Variants in SS18 observed in about 807,000 individuals in gnomAD.
SS18 encodes protein SSXT.
SS18 carries 28 observed loss-of-function variants against 72.5 expected under a neutral mutation model. That is an observed-to-expected ratio of 0.39 (90% CI 0.29 to 0.53). SS18 has a LOEUF of 0.53. Among genes scored for constraint, SS18 ranks in the 20% least tolerant of loss-of-function variants. The pLI is 0.76. For synonymous variants in SS18, 172 were observed against 164.2 expected, an observed-to-expected ratio of 1.05 and a Z score of -0.37; for missense variants, 518 against 535.3, an observed-to-expected ratio of 0.97 and a Z score of 0.32.
chr18:26,055,995 G>A (rs576155041), intron 4 of SS18, among the ~76,000 whole-genome samples: 15 of 152,088 alleles, frequency 9.9e-5, no homozygotes, highest in Non-Finnish European at 1.9e-4. Context: ...TTGACCTCGT[G>A]ATCCACCCGC....
At chr18:26,080,442 G>T in intron 2 of SS18, 1 of 936,210 alleles carries the variant, frequency 1.1e-6, no homozygotes, top group Non-Finnish European at 1.3e-6. Flanking sequence ...AAAAATTTTA[G>T]TATCATGTTG....
chr18:26,055,764 TTG>T (rs1364560108), intron 4 of SS18, among the ~76,000 whole-genome samples: 2 of 146,500 alleles, frequency 1.4e-5, no homozygotes, highest in South Asian at 4.3e-4. Flanking sequence ...TTTTTTTTTT[TTG>T]TTTTTTTTTT....
rs58222135 is a variant in SS18, at chr18:26,065,800, CATATAT to C, written c.232-8064_232-8059del. Reference sequence around the variant, plus strand: ...AATATATAAAGAATGCCTACAAATCCATATATATATATATATATATATATGATCATT... The same window carrying C: ...AATATATAAAGAATGCCTACAAATCCATATATATATATATATATGATCATT... On this transcript the variant is annotated intron_variant, in intron 3 of 10. Coordinates refer to ENST00000415083, the MANE Select transcript of SS18 (RefSeq NM_001007559.3). 2.6e-3 allele frequency among the ~76,000 whole-genome samples: 146 copies of C among 55,602 alleles called. 5 individuals carry two copies. The highest frequency in any genetic ancestry group is 5.5e-3 in the African/African-American group (116 of 20,938). The allele number at this position is 55,602 out of a possible 152,430, so 36.5% of individuals were successfully genotyped here.
chr18:26,057,383 G>C (rs1023226303), intron 4 of SS18, among the ~76,000 whole-genome samples: 3 of 152,192 alleles, frequency 2.0e-5, no homozygotes, highest in African/African-American at 7.2e-5. Context: ...GGAATGGTGT[G>C]TGTCAGCTAC....
chr18:26,053,937 T>C (rs973124694), intron 4 of SS18, among the ~76,000 whole-genome samples: 4 of 152,170 alleles, frequency 2.6e-5, no homozygotes, highest in African/African-American at 2.4e-5. Flanking sequence ...CAAACAACAA[T>C]TCAAATAAAG....
Position 26,017,128 on chromosome 18 carries a change from T to C in SS18, c.*1226A>G, listed in dbSNP as rs1244892938. ...TCAGGCACAGGACAGTCTCAAATAA[T>C]GATTAAAATATGCCATGCTAATAAA... On this transcript the variant is annotated 3_prime_UTR_variant, in exon 11 of 11. Transcript: ENST00000415083. 1.9e-5 allele frequency: 4 copies of C among 214,252 alleles called. No individual in the cohort carries two copies. Among genetic ancestry groups the C allele is most frequent in the Non-Finnish European group, 2.8e-5 (3 of 106,322 alleles). 13.3% of individuals were successfully genotyped at this position (214,252 alleles called of 1,614,324 possible).
At chr18:26,084,848 T>C (rs554907822) in intron 2 of SS18, among the ~76,000 whole-genome samples, 1 of 152,316 alleles carries the variant, frequency 6.6e-6, no homozygotes, top group Middle Eastern at 3.4e-3. Context: ...TACTGGACCC[T>C]GGACCAGAAA....
rs762175759 is a variant in SS18, at chr18:26,039,427, GAGA to G, written c.634_636del (p.Ser212del). On this transcript the variant is annotated inframe_deletion, in exon 6 of 11. Coordinates refer to ENST00000415083, the MANE Select transcript of SS18 (RefSeq NM_001007559.3). ...CCTCCCTGTGGCATATTGTATTGCT[GAGA>G]AGGAGGCTGCTGATGCATCATTGGA... is the stretch of plus-strand genomic sequence containing the variant. The G allele has an allele frequency of 1.2e-5, 20 of 1,613,560 alleles. No individual in the cohort carries two copies. The highest frequency in any genetic ancestry group is 1.7e-5 in the Non-Finnish European group (20 of 1,179,744).
At chr18:26,078,390 C>CAT in intron 2 of SS18, 1 of 363,468 alleles carries the variant, frequency 2.8e-6, no homozygotes, top group East Asian at 4.7e-5. Flanking sequence ...TTTTTATATG[C>CAT]ATATATGTTT....
In SS18 at chr18:26,017,836, C is replaced by A. The variant is rs1219722843; in HGVS notation, c.*518G>T. 1.3e-5 allele frequency: 3 copies of A among 228,146 alleles called. No individual in the cohort carries two copies. Among genetic ancestry groups the A allele is most frequent in the Non-Finnish European group, 1.7e-5 (2 of 114,922 alleles). 14.1% of individuals were successfully genotyped at this position (228,146 alleles called of 1,614,324 possible). Reference sequence around the variant, plus strand: ...CCATTTTGAGACCAAAACAATCAAGCATCTACCATGTTCCAGTCCACATTA... The same window carrying A: ...CCATTTTGAGACCAAAACAATCAAGAATCTACCATGTTCCAGTCCACATTA... On this transcript the variant is annotated 3_prime_UTR_variant, in exon 11 of 11. Coordinates refer to ENST00000415083, the MANE Select transcript of SS18 (RefSeq NM_001007559.3).
chr18:26,090,524 T>C lies in SS18; in HGVS notation c.46A>G (p.Ile16Val), dbSNP rs1216411433. ...ACCTTCTGAATCGCAGCGGGAGTGA[T>C]CTCCCCCTTGCCTCGCTGCCTCGGG... ...AAPRQRGKGE[I>V]TPAAIQKMLD... Residue 16 changes from isoleucine (I) to valine (V), a missense_variant, in exon 1 of 11, where the codon ATC becomes GTC. By Grantham distance (29) the Ile-to-Val change is conservative. Transcript: ENST00000415083. 2 of 1,585,680 alleles carry C rather than the reference T, an allele frequency of 1.3e-6. No individual in the cohort carries two copies. The highest frequency in any genetic ancestry group is 1.4e-5 in the African/African-American group (1 of 73,974).
intron 5 of SS18, among the ~76,000 whole-genome samples, chr18:26,048,365 C>T (rs1428368357): frequency 1.3e-5 from 2 of 152,070 alleles, no homozygotes; most frequent in Non-Finnish European, 2.9e-5. Flanking sequence ...GTGAAAATGG[C>T]TTTGTTGTAT....
intron 10 of SS18, among the ~76,000 whole-genome samples, chr18:26,021,572 T>C (rs2053350884): frequency 6.6e-6 from 1 of 152,168 alleles, no homozygotes; most frequent in South Asian, 2.1e-4. Context: ...AGAATTTTAA[T>C]GGGAAAGAAG....
intron 10 of SS18, among the ~76,000 whole-genome samples, chr18:26,029,925 C>T (rs939840210): frequency 6.6e-6 from 1 of 152,100 alleles, no homozygotes; most frequent in African/African-American, 2.4e-5. Flanking sequence ...ATGGTCCCCC[C>T]CTCATATTCT....
chr18:26,072,317 C>G (rs547147362), intron 3 of SS18, among the ~76,000 whole-genome samples: 2 of 149,416 alleles, frequency 1.3e-5, no homozygotes, highest in African/African-American at 4.9e-5. Flanking sequence ...CAGTGGCTCA[C>G]ACCTGTAATC....
intron 3 of SS18, among the ~76,000 whole-genome samples, chr18:26,074,624 A>T (rs1470646224): frequency 6.6e-6 from 1 of 152,014 alleles, no homozygotes; most frequent in African/African-American, 2.4e-5. Flanking sequence ...TAAGTTTATT[A>T]TTTTTAACAA....
At chr18:26,052,513 C>T (rs750743944) in intron 5 of SS18, 111 bp downstream of exon 5, 6 of 811,436 alleles carry the variant, frequency 7.4e-6, no homozygotes, top group Non-Finnish European at 1.0e-5. Flanking sequence ...ATGACTGTCA[C>T]TCACTTTAAA....
intron 2 of SS18, among the ~76,000 whole-genome samples, chr18:26,083,827 CA>C (rs1472401905): frequency 6.6e-6 from 1 of 152,104 alleles, no homozygotes; most frequent in African/African-American, 2.4e-5. Context: ...TTACTATCCA[CA>C]GTTAAACCAA....
At chr18:26,043,107 T>C (rs930847942) in intron 5 of SS18, among the ~76,000 whole-genome samples, 4 of 152,142 alleles carry the variant, frequency 2.6e-5, no homozygotes, top group Non-Finnish European at 5.9e-5. Context: ...CGGGTAGTAT[T>C]ATTATCGACT....
Sources: gnomAD v4.1 joint callset for allele counts (sites outside exome capture counted in the v4.1 genomes callset) on GRCh38, gnomAD v4.1.1 for gene constraint, MANE v1.5 for transcripts, NCBI Gene and HGNC (gene_info 2026-07-23, HGNC 2026-07-21) for gene names.